Variants in MAF observed in about 807,000 individuals in gnomAD.
The protein encoded by MAF is MAF bZIP transcription factor.
A neutral mutation model predicts 22.0 loss-of-function variants in MAF; 10 were observed. That is an observed-to-expected ratio of 0.45 (90% CI 0.28 to 0.77). The LOEUF (loss-of-function observed/expected upper bound fraction) is 0.77, where lower values mean the gene tolerates loss of function less well. MAF is among the 30% of genes least tolerant of loss of function. MAF has a pLI of 0.12. For synonymous variants in MAF, 337 were observed against 255.8 expected, an observed-to-expected ratio of 1.32 and a Z score of -3.03; for missense variants, 544 against 548.4, an observed-to-expected ratio of 0.99 and a Z score of 0.08.
rs936398428 is a variant in MAF, at chr16:79,586,323, C to A, written c.1119-382G>T. ...TGAATCATTTCTGTTGGGCTTCTCTCAAGGACTCTCAGGCTGTCCGCCCCT... is the reference window on the plus strand; with the variant it reads ...TGAATCATTTCTGTTGGGCTTCTCTAAAGGACTCTCAGGCTGTCCGCCCCT... On this transcript the variant is annotated intron_variant, in intron 1 of 1. Coordinates refer to the MAF transcript ENST00000569649. 3.9e-5 allele frequency among the ~76,000 whole-genome samples: 6 copies of A among 152,294 alleles called. No individual in the cohort carries two copies. The East Asian group carries it at 1.2e-3, about 29-fold the overall frequency.
the MAF span, among the ~76,000 whole-genome samples, chr16:79,354,032 A>G: frequency 6.6e-6 from 1 of 151,968 alleles, no homozygotes; most frequent in African/African-American, 2.4e-5. Flanking sequence ...TCTCACTCCC[A>G]TCACCCAGGC....
the MAF span, among the ~76,000 whole-genome samples, chr16:79,577,902 T>A: frequency 6.6e-6 from 1 of 152,178 alleles, no homozygotes; most frequent in African/African-American, 2.4e-5. Flanking sequence ...TTCCTCTTCA[T>A]TTTGGTGACC....
At chr16:79,338,729 C>T in the MAF span, among the ~76,000 whole-genome samples, 3 of 152,248 alleles carry the variant, frequency 2.0e-5, no homozygotes, top group Non-Finnish European at 4.4e-5. Context: ...TATACACTCG[C>T]GACACTTCAC....
the MAF span, among the ~76,000 whole-genome samples, chr16:79,546,679 C>A: frequency 6.6e-6 from 1 of 152,270 alleles, no homozygotes; most frequent in South Asian, 2.1e-4. Context: ...ATGGTCTAGT[C>A]AAGCAAGACA....
chr16:79,467,942 G>C, the MAF span, among the ~76,000 whole-genome samples: 1 of 151,924 alleles, frequency 6.6e-6, no homozygotes, highest in Non-Finnish European at 1.5e-5. Context: ...GTGGTCGTGG[G>C]GGGGTGGTTG....
At chr16:79,283,612 G>A in the MAF span, among the ~76,000 whole-genome samples, 1 of 152,204 alleles carries the variant, frequency 6.6e-6, no homozygotes, top group Admixed American at 6.5e-5. Flanking sequence ...AGTCTTTGAA[G>A]CTGTCATAAA....
the MAF span, among the ~76,000 whole-genome samples, chr16:79,375,604 G>A: frequency 1.3e-5 from 2 of 152,076 alleles, no homozygotes; most frequent in East Asian, 3.9e-4. Context: ...TGATGGTAAT[G>A]ATGATGATGA....
At chr16:79,308,389 C>T in the MAF span, among the ~76,000 whole-genome samples, 1 of 152,132 alleles carries the variant, frequency 6.6e-6, no homozygotes, top group Non-Finnish European at 1.5e-5. Context: ...CTCTGGGAGG[C>T]ACCTCTATCA....
chr16:79,461,310 C>T, the MAF span, among the ~76,000 whole-genome samples: 1 of 152,232 alleles, frequency 6.6e-6, no homozygotes, highest in Admixed American at 6.5e-5. Flanking sequence ...CAATAAAATG[C>T]ATTTTTTGCT....
chr16:79,505,176 T>C, the MAF span, among the ~76,000 whole-genome samples: 5,977 of 152,242 alleles, frequency 0.039, 377 homozygotes, highest in African/African-American at 0.13. Context: ...GTGGAAGATA[T>C]TGCTGCTTCA....
chr16:79,243,247 A>G, the MAF span, among the ~76,000 whole-genome samples: 16 of 152,022 alleles, frequency 1.1e-4, no homozygotes, highest in Non-Finnish European at 1.5e-5. Flanking sequence ...CTTAAAAAAA[A>G]TCCGTGAATC....
At chr16:79,424,806 C>A in the MAF span, among the ~76,000 whole-genome samples, 1 of 152,204 alleles carries the variant, frequency 6.6e-6, no homozygotes, top group Non-Finnish European at 1.5e-5. Context: ...AAAACCAGAA[C>A]ATTTCATGTT....
chr16:79,213,516 C>T, the MAF span, among the ~76,000 whole-genome samples: 1 of 152,258 alleles, frequency 6.6e-6, no homozygotes, highest in Non-Finnish European at 1.5e-5. Context: ...CATATGACCT[C>T]TGACTTTGGC....
In MAF at chr16:79,600,515, C is replaced by G; in HGVS notation, c.-613G>C. The G allele has an allele frequency of 5.1e-6, 1 of 195,448 alleles. No individual in the cohort carries two copies. The highest frequency in any genetic ancestry group is 9.1e-5 in the East Asian group (1 of 11,036). The allele number at this position is 195,448 out of a possible 1,614,324, so 12.1% of individuals were successfully genotyped here. A position where few individuals can be genotyped will look rare whatever the true frequency, so the allele number is the denominator to read the frequency against. On this transcript the variant is annotated 5_prime_UTR_variant, in exon 1 of 2. Coordinates refer to ENST00000326043, the MANE Select transcript of MAF (RefSeq NM_005360.5). The stretch of plus-strand genomic sequence containing the variant: ...TTCTTTCCTCTCTCTCCCTCGCGCG[C>G]TCTCTACCTCTGTGCAAAGTGCAAG...
At chr16:79,598,345 AG>A in intron 1 of MAF, 1 of 1,124,450 alleles carries the variant, frequency 8.9e-7, no homozygotes, top group Non-Finnish European at 1.1e-6. Flanking sequence ...GGGAAGAAGA[AG>A]AAAAAATATG....
chr16:79,398,105 C>G, the MAF span, among the ~76,000 whole-genome samples: 1 of 152,156 alleles, frequency 6.6e-6, no homozygotes, highest in Non-Finnish European at 1.5e-5. Flanking sequence ...CTGCCTTTTT[C>G]AGTTCCCGGA....
the MAF span, among the ~76,000 whole-genome samples, chr16:79,561,904 G>A: frequency 6.6e-6 from 1 of 152,160 alleles, no homozygotes; most frequent in Non-Finnish European, 1.5e-5. Context: ...AGCACCTGAA[G>A]TATTGCAGGG....
the MAF span, among the ~76,000 whole-genome samples, chr16:79,518,851 G>A: frequency 6.6e-6 from 1 of 152,180 alleles, no homozygotes; most frequent in Non-Finnish European, 1.5e-5. Flanking sequence ...CTTGAACCCA[G>A]GAGGCGGAGG....
chr16:79,443,899 A>T, the MAF span, among the ~76,000 whole-genome samples: 4 of 152,108 alleles, frequency 2.6e-5, no homozygotes, highest in African/African-American at 9.7e-5. Context: ...TGGTAAAGCC[A>T]CTTGTGGTTG....
Sources: gnomAD v4.1 joint callset for allele counts (sites outside exome capture counted in the v4.1 genomes callset) on GRCh38, gnomAD v4.1.1 for gene constraint, MANE v1.5 for transcripts, NCBI Gene and HGNC (gene_info 2026-07-23, HGNC 2026-07-21) for gene names.